ZFHX3: variants seen among roughly 807,000 people sequenced by gnomAD.
ZFHX3 encodes the protein zinc finger homeobox protein 3.
ZFHX3 carries 42 observed loss-of-function variants against 279.1 expected under a neutral mutation model. That is an observed-to-expected ratio of 0.15 (90% CI 0.12 to 0.19). The LOEUF (loss-of-function observed/expected upper bound fraction) is 0.19, where lower values mean the gene tolerates loss of function less well. Ranked by LOEUF, ZFHX3 falls within the 10% of genes least tolerant of loss-of-function variation. The pLI is 1.00. For synonymous variants in ZFHX3, 2,293 were observed against 1,957.8 expected, an observed-to-expected ratio of 1.17 and a Z score of -4.52; for missense variants, 4,981 against 4,754.0, an observed-to-expected ratio of 1.05 and a Z score of -1.40.
chr16:73,710,432 A>C (rs550653306), intron 1 of ZFHX3, among the ~76,000 whole-genome samples: 5 of 152,298 alleles, frequency 3.3e-5, no homozygotes, highest in African/African-American at 1.2e-4. Context: ...TCTTTCTCAG[A>C]TTCTATTCTT....
At chr16:72,969,149 G>A (rs1393754811) in intron 1 of ZFHX3, among the ~76,000 whole-genome samples, 2 of 152,060 alleles carry the variant, frequency 1.3e-5, no homozygotes, top group South Asian at 2.1e-4. Context: ...AACTATAAAC[G>A]AAGAGTCAAC....
chr16:73,400,467 A>G (rs1226981089), intron 3 of ZFHX3: 1 of 152,200 alleles, frequency 6.6e-6, no homozygotes, highest in African/African-American at 2.4e-5. Flanking sequence ...GCAAACAAAG[A>G]GTCCACAGCT....
intron 2 of ZFHX3, among the ~76,000 whole-genome samples, chr16:73,604,152 T>C (rs999885439): frequency 6.6e-6 from 1 of 152,016 alleles, no homozygotes; most frequent in African/African-American, 2.4e-5. Context: ...TTTATATATA[T>C]AGATAGATAT....
At chr16:73,645,332 C>A (rs1435510556) in intron 2 of ZFHX3, among the ~76,000 whole-genome samples, 1 of 152,212 alleles carries the variant, frequency 6.6e-6, no homozygotes, top group East Asian at 1.9e-4. Context: ...TCTCGGCTCA[C>A]TGCAAGCTCC....
chr16:73,020,883 T>C (rs1964274734), intron 1 of ZFHX3, among the ~76,000 whole-genome samples: 2 of 152,054 alleles, frequency 1.3e-5, no homozygotes, highest in African/African-American at 2.4e-5. Flanking sequence ...TACTCTTCCA[T>C]AGGGGTTCAA....
intron 2 of ZFHX3, among the ~76,000 whole-genome samples, chr16:73,522,711 A>T (rs1319973637): frequency 6.6e-6 from 1 of 152,158 alleles, no homozygotes; most frequent in Non-Finnish European, 1.5e-5. Context: ...CTCTGTGCCA[A>T]GGTGTATTAG....
intron 1 of ZFHX3, among the ~76,000 whole-genome samples, chr16:73,011,684 C>A (rs1302078584): frequency 1.3e-5 from 2 of 151,678 alleles, no homozygotes; most frequent in Non-Finnish European, 2.9e-5. Flanking sequence ...TATCATGCCA[C>A]TGCATTCCAG....
chr16:73,242,052 G>A (rs577299133), intron 5 of ZFHX3, among the ~76,000 whole-genome samples: 2 of 152,264 alleles, frequency 1.3e-5, no homozygotes, highest in South Asian at 2.1e-4. Context: ...CAGAAAGTTG[G>A]TAATCATTGC....
At chr16:73,783,604 T>C (rs980650030) in intron 1 of ZFHX3, among the ~76,000 whole-genome samples, 6 of 152,198 alleles carry the variant, frequency 3.9e-5, no homozygotes, top group Admixed American at 1.3e-4. Context: ...AAATTGATGA[T>C]TGATTCATTC....
chr16:73,319,459 T>C (rs1308229079), intron 3 of ZFHX3, among the ~76,000 whole-genome samples: 1 of 151,978 alleles, frequency 6.6e-6, no homozygotes, highest in Non-Finnish European at 1.5e-5. Context: ...TCAGAAACTG[T>C]AAAGGGCTTC....
chr16:72,808,057 C>T (rs758220235), intron 7 of ZFHX3: 7 of 152,170 alleles, frequency 4.6e-5, no homozygotes, highest in Admixed American at 3.3e-4. Flanking sequence ...AAACATATAT[C>T]GTTAGAAAGC....
chr16:73,648,359 CAT>C (rs1204604210), intron 2 of ZFHX3, among the ~76,000 whole-genome samples: 1 of 152,130 alleles, frequency 6.6e-6, no homozygotes, highest in African/African-American at 2.4e-5. Flanking sequence ...CTTTAAAAAA[CAT>C]AGAACAGTTT....
chr16:73,631,747 A>G (rs1478267810), intron 2 of ZFHX3, among the ~76,000 whole-genome samples: 1 of 152,140 alleles, frequency 6.6e-6, no homozygotes, highest in East Asian at 1.9e-4. Context: ...TGTATAAAAA[A>G]TATACAAAAA....
intron 3 of ZFHX3, among the ~76,000 whole-genome samples, chr16:73,360,669 C>T (rs767199847): frequency 6.6e-6 from 1 of 152,218 alleles, no homozygotes; most frequent in Non-Finnish European, 1.5e-5. Flanking sequence ...GCTGGGTACT[C>T]TGTGTTCAGA....
At chr16:73,221,877 T>C (rs1326386357) in intron 5 of ZFHX3, among the ~76,000 whole-genome samples, 3 of 152,176 alleles carry the variant, frequency 2.0e-5, no homozygotes, top group Non-Finnish European at 4.4e-5. Context: ...ATACTTTCCA[T>C]ACCTTTAAGT....
chr16:73,384,882 C>T (rs1006708386), intron 3 of ZFHX3, among the ~76,000 whole-genome samples: 1 of 152,174 alleles, frequency 6.6e-6, no homozygotes, highest in Non-Finnish European at 1.5e-5. Flanking sequence ...CCAGGCTCAG[C>T]CCAATCAGCA....
intron 5 of ZFHX3, among the ~76,000 whole-genome samples, chr16:73,148,805 G>C (rs1187257418): frequency 2.0e-5 from 3 of 151,320 alleles, no homozygotes; most frequent in Admixed American, 6.6e-5. Flanking sequence ...AAATTAGTCA[G>C]GTGTGGTGCC....
At chr16:73,530,185 C>G (rs1213477846) in intron 2 of ZFHX3, among the ~76,000 whole-genome samples, 1 of 152,088 alleles carries the variant, frequency 6.6e-6, no homozygotes. Context: ...GAATGAGAAC[C>G]AAGTGAAAGG....
At chr16:73,147,555 G>A (rs969690458) in intron 5 of ZFHX3, among the ~76,000 whole-genome samples, 5 of 151,022 alleles carry the variant, frequency 3.3e-5, no homozygotes, top group African/African-American at 1.2e-4. Context: ...AGCCGGGCGT[G>A]GTAGCGGGCG....
Sources: allele counts gnomAD v4.1 joint callset (sites outside exome capture counted in the v4.1 genomes callset), GRCh38; gene constraint gnomAD v4.1.1; transcripts MANE v1.5; gene names NCBI Gene and HGNC (gene_info 2026-07-23, HGNC 2026-07-21).